The following ZC3H7A variants were observed in gnomAD, a reference collection of about 807,000 sequenced individuals.
The protein encoded by ZC3H7A is zinc finger CCCH domain-containing protein 7A.
ZC3H7A carries 44 observed loss-of-function variants against 125.5 expected under a neutral mutation model. The ratio of observed to expected loss-of-function variants is 0.35; its 90% CI spans 0.28 to 0.45. The LOEUF (loss-of-function observed/expected upper bound fraction) is 0.45, where lower values mean the gene tolerates loss of function less well. Ranked by LOEUF, ZC3H7A falls within the 20% of genes least tolerant of loss-of-function variation. The pLI, the probability that ZC3H7A is intolerant of heterozygous loss-of-function variation, is 1.00. For synonymous variants in ZC3H7A, 399 were observed against 391.2 expected (o/e 1.02, Z -0.23); for missense variants, 977 against 1,170.7 (o/e 0.83, Z 2.41).
chr16:11,766,334 G>A (rs926887130), intron 13 of ZC3H7A, among the ~76,000 whole-genome samples: 2 of 152,216 alleles, frequency 1.3e-5, no homozygotes, highest in African/African-American at 4.8e-5. Context: ...GGAGGCCGAG[G>A]CAGGCAGATC....
chr16:11,789,304 C>A (rs1360510955), intron 1 of ZC3H7A, among the ~76,000 whole-genome samples: 1 of 152,012 alleles, frequency 6.6e-6, no homozygotes, highest in Non-Finnish European at 1.5e-5. Context: ...CGCTCTGTCA[C>A]CCAGGCTGGA....
chr16:11,787,109 A>C (rs1252847887), intron 1 of ZC3H7A, among the ~76,000 whole-genome samples: 1 of 151,784 alleles, frequency 6.6e-6, no homozygotes, highest in Non-Finnish European at 1.5e-5. Flanking sequence ...AGGAGTATGA[A>C]ACCAGCCTGG....
At chr16:11,779,869 GTTTA>G (rs1460598495) in intron 3 of ZC3H7A, among the ~76,000 whole-genome samples, 4 of 100,918 alleles carry the variant, frequency 4.0e-5, no homozygotes, top group South Asian at 6.0e-4. Flanking sequence ...ATCGTTTTGT[GTTTA>G]TTTATTTTTT....
At chr16:11,770,691 A>G (rs1408582728) in intron 10 of ZC3H7A, 92 bp downstream of exon 10, 1 of 1,149,776 alleles carries the variant, frequency 8.7e-7, no homozygotes, top group East Asian at 2.5e-5. Flanking sequence ...TCACATGTCT[A>G]CTACCTAGAG....
chr16:11,751,487 G>C lies in ZC3H7A; in HGVS notation c.2746C>G (p.Pro916Ala), dbSNP rs777597399. The change falls in exon 23 of 23, where the codon CCA becomes GCA. Residue 916 changes from proline to alanine, a missense_variant. This residue lies in a region of ZC3H7A where 436 missense variants were observed against 603.2 expected (regional missense o/e 0.72). Coordinates refer to ENST00000355758, the MANE Select transcript of ZC3H7A (RefSeq NM_014153.4). Reference sequence around the variant, plus strand: ...GCAAATTTACAGCTGTTTCCTTCTGGGCAGGTGCCATTCATATACCTGTAA... The same window carrying C: ...GCAAATTTACAGCTGTTTCCTTCTGCGCAGGTGCCATTCATATACCTGTAA... ...ICDRYMNGTC[P>A]EGNSCKFAHG... is the part of the protein sequence containing the mutation. 18 of 1,613,818 alleles carry C rather than the reference G, an allele frequency of 1.1e-5. No individual in the cohort carries two copies. The Admixed American group carries it at 2.8e-4, about 25-fold the overall frequency.
intron 1 of ZC3H7A, among the ~76,000 whole-genome samples, chr16:11,787,628 T>A (rs1432496667): frequency 6.6e-6 from 1 of 152,122 alleles, no homozygotes; most frequent in Non-Finnish European, 1.5e-5. Context: ...CTCAGCTAAT[T>A]TTTTTAATTT....
At chr16:11,775,110 C>G (rs924429798) in intron 7 of ZC3H7A, 97 bp from the exon 8 acceptor site, 55 of 1,328,974 alleles carry the variant, frequency 4.1e-5, no homozygotes, top group Non-Finnish European at 4.0e-5. Context: ...CAGTGGCTCA[C>G]GCCTGTAATC....
intron 1 of ZC3H7A, among the ~76,000 whole-genome samples, chr16:11,788,683 G>C (rs1444100011): frequency 6.7e-6 from 1 of 149,112 alleles, no homozygotes; most frequent in African/African-American, 2.5e-5. Flanking sequence ...GCGTGATCTC[G>C]GCTCAATACA....
At chr16:11,752,426 C>T (rs746846465) in intron 22 of ZC3H7A, among the ~76,000 whole-genome samples, 42 of 152,126 alleles carry the variant, frequency 2.8e-4, no homozygotes, top group Non-Finnish European at 8.8e-5. Context: ...ATTCAATTAT[C>T]CTAAGACATT....
Position 11,768,514 on chromosome 16 carries a change from TA to T in ZC3H7A, c.1174-14del. On this transcript the variant is annotated splice_polypyrimidine_tract_variant and intron_variant, in intron 11 of 22. Coordinates refer to ENST00000355758, the MANE Select transcript of ZC3H7A (RefSeq NM_014153.4). ...CTGGTCCATTCATCTGCAAGAAAAA[TA>T]AGAAGAAAAAAAAAAAAAACAGCCA... 8.8e-7 allele frequency: 1 copy of T among 1,142,366 alleles called. No homozygotes were observed. Among genetic ancestry groups the T allele is most frequent in the Non-Finnish European group, 1.1e-6 (1 of 941,272 alleles). 70.8% of individuals were successfully genotyped at this position (1,142,366 alleles called of 1,614,324 possible).
At chr16:11,791,900 GA>G (rs750706087) in intron 1 of ZC3H7A, among the ~76,000 whole-genome samples, 10 of 152,176 alleles carry the variant, frequency 6.6e-5, no homozygotes, top group Non-Finnish European at 1.3e-4. Context: ...TTCCAGGGAA[GA>G]AGGCACTTTG....
intron 1 of ZC3H7A, among the ~76,000 whole-genome samples, chr16:11,790,144 G>A (rs1596406842): frequency 6.9e-6 from 1 of 145,692 alleles, no homozygotes; most frequent in Non-Finnish European, 1.5e-5. Context: ...TGTTTATTTT[G>A]CCAGCTATTG....
At chr16:11,782,530 G>A (rs1040487010) in intron 1 of ZC3H7A, 142 bp from the exon 2 acceptor site, 16 of 669,976 alleles carry the variant, frequency 2.4e-5, no homozygotes, top group Non-Finnish European at 3.6e-5. Flanking sequence ...CTGGACGGCA[G>A]GGACCGTACA....
chr16:11,783,512 C>T (rs566883849), intron 1 of ZC3H7A, among the ~76,000 whole-genome samples: 86 of 152,278 alleles, frequency 5.6e-4, no homozygotes, highest in African/African-American at 2.0e-3. Flanking sequence ...GGCAGTATTT[C>T]TGCCTCTACC....
Position 11,796,136 on chromosome 16 carries a change from ATTAATT to A in ZC3H7A, c.-35+982_-35+987del, listed in dbSNP as rs535759626. ...GCATGAGCCACTGCATCCTGCCAAG[ATTAATT>A]TTAATGATCTATTTTCGTTAATCCA... is the stretch of plus-strand genomic sequence containing the variant. On this transcript the variant is annotated intron_variant, in intron 1 of 22. Transcript: ENST00000355758. 2.0e-5 allele frequency: 3 copies of A among 152,374 alleles called. No homozygotes were observed. In the East Asian group the frequency reaches 5.8e-4, roughly 29 times the overall value. The allele number at this position is 152,374 out of a possible 1,614,324, so 9.4% of individuals were successfully genotyped here.
At chr16:11,771,086 G>C (rs1200222803) in intron 9 of ZC3H7A, 99 bp from the exon 10 acceptor site, 7 of 1,183,746 alleles carry the variant, frequency 5.9e-6, no homozygotes, top group Non-Finnish European at 7.1e-6. Context: ...ATTACACTGG[G>C]AGATCACGTT....
chr16:11,774,394 G>A lies in ZC3H7A; in HGVS notation c.745C>T (p.Gln249Ter). 6.2e-7 allele frequency: 1 copy of A among 1,613,676 alleles called. No homozygotes were observed. The highest frequency in any genetic ancestry group is 8.5e-7 in the Non-Finnish European group (1 of 1,179,770). ...VMPLTSILPL[Q>*]VEESALPSAV... is the part of the protein sequence containing the mutation. ...GATGGCAGAGCGCTCTCTTCCACTT[G>A]TAGTGGCAAAATAGAAGTTAAGGGC... Residue 249 changes from glutamine (Q) to a stop codon, truncating the protein, a stop_gained, in exon 9 of 23, where the codon CAA becomes TAA. Coordinates refer to ENST00000355758, the MANE Select transcript of ZC3H7A (RefSeq NM_014153.4). LOFTEE classifies it high-confidence loss of function.
intron 11 of ZC3H7A, among the ~76,000 whole-genome samples, 183 bp from the exon 12 acceptor site, chr16:11,768,684 G>A (rs2052912275): frequency 6.6e-6 from 1 of 151,782 alleles, no homozygotes; most frequent in Non-Finnish European, 1.5e-5. Context: ...CTCTCTTTTG[G>A]TTTCTAGTCA....
At chr16:11,780,551 T>C (rs763160739) in intron 3 of ZC3H7A, among the ~76,000 whole-genome samples, 11 of 152,246 alleles carry the variant, frequency 7.2e-5, no homozygotes, top group Non-Finnish European at 1.3e-4. Context: ...TTTAGAAGAC[T>C]GGACGGATCA....
Sources: gnomAD v4.1 joint callset for allele counts (sites outside exome capture counted in the v4.1 genomes callset) on GRCh38, gnomAD v4.1.1 for gene constraint, gnomAD v4.1.1 regional missense constraint, MANE v1.5 for transcripts, NCBI Gene and HGNC (gene_info 2026-07-23, HGNC 2026-07-21) for gene names.